The following GLIS3 variants were observed in gnomAD, a reference collection of about 807,000 sequenced individuals.
GLIS3 encodes the protein GLIS family zinc finger 3, also known as zinc finger protein GLIS3.
A neutral mutation model predicts 78.6 loss-of-function variants in GLIS3; 53 were observed. The observed-to-expected ratio is 0.67, with a 90% CI of 0.54 to 0.85. GLIS3 has a LOEUF of 0.85. Ranked by LOEUF, GLIS3 falls within the 40% of genes least tolerant of loss-of-function variation. The pLI is 0.00. For missense variants in GLIS3, 1,703 were observed against 1,231.1 expected, an observed-to-expected ratio of 1.38 and a Z score of -5.74; for synonymous variants, 684 against 509.9, an observed-to-expected ratio of 1.34 and a Z score of -4.60.
intron 2 of GLIS3, among the ~76,000 whole-genome samples, chr9:4,263,211 C>G (rs1825686763): frequency 6.6e-6 from 1 of 152,190 alleles, no homozygotes; most frequent in Non-Finnish European, 1.5e-5. Context: ...ATAAACTTCT[C>G]AGTGGCTCAC....
chr9:3,881,383 T>C (rs12351699), intron 7 of GLIS3, among the ~76,000 whole-genome samples: 110 of 152,332 alleles, frequency 7.2e-4, no homozygotes, highest in African/African-American at 2.5e-3. Context: ...TTTGTATGTA[T>C]GTGCATGTGT....
intron 2 of GLIS3, among the ~76,000 whole-genome samples, chr9:4,161,682 T>TTTC (rs2131085344): frequency 6.8e-6 from 1 of 147,858 alleles, no homozygotes; most frequent in East Asian, 2.0e-4. Flanking sequence ...AGTCTTTTTT[T>TTTC]TTTTTTTTTT....
chr9:3,896,782 CT>C (rs1388525684), intron 7 of GLIS3, among the ~76,000 whole-genome samples: 2 of 151,364 alleles, frequency 1.3e-5, no homozygotes, highest in Non-Finnish European at 2.9e-5. Context: ...TTCAAGTGTT[CT>C]CAAGAGTTAC....
At chr9:4,301,869 C>A (rs566095484), upstream of GLIS3, among the ~76,000 whole-genome samples, 5 of 152,282 alleles carry the variant, frequency 3.3e-5, no homozygotes, top group Admixed American at 2.6e-4. Context: ...TCCCCAAAAT[C>A]TCTTCATTTA....
At chr9:4,269,532 C>T (rs895716465) in intron 2 of GLIS3, among the ~76,000 whole-genome samples, 5 of 152,280 alleles carry the variant, frequency 3.3e-5, no homozygotes, top group Non-Finnish European at 4.4e-5. Flanking sequence ...ACCACCAAAA[C>T]GATCTACTTA....
chr9:4,092,825 T>C (rs1342082505), intron 4 of GLIS3, among the ~76,000 whole-genome samples: 1 of 152,200 alleles, frequency 6.6e-6, no homozygotes, highest in African/African-American at 2.4e-5. Context: ...GTATAGTAAA[T>C]ACATAAAACA....
intron 2 of GLIS3, among the ~76,000 whole-genome samples, chr9:4,209,837 C>A (rs1820231048): frequency 6.6e-6 from 1 of 151,332 alleles, no homozygotes; most frequent in African/African-American, 2.5e-5. Context: ...TTGTGACCAT[C>A]AAAATGTCTC....
intron 6 of GLIS3, among the ~76,000 whole-genome samples, chr9:3,921,851 A>G (rs1271049453): frequency 4.6e-5 from 7 of 152,032 alleles, no homozygotes; most frequent in Admixed American, 4.6e-4. Context: ...ATAAATTTTG[A>G]ATAATCAAAT....
chr9:4,101,255 T>C (rs1830349110), intron 4 of GLIS3, among the ~76,000 whole-genome samples: 1 of 152,200 alleles, frequency 6.6e-6, no homozygotes, highest in Non-Finnish European at 1.5e-5. Context: ...AGATTATGCA[T>C]GGGACAGTGC....
Position 4,118,340 on chromosome 9 carries a change from C to G in GLIS3, c.1138G>C (p.Ala380Pro), listed in dbSNP as rs750906881. 1.3e-6 allele frequency: 2 copies of G among 1,578,228 alleles called. No homozygotes were observed. The highest frequency in any genetic ancestry group is 1.7e-6 in the Non-Finnish European group (2 of 1,165,768). ...KGVLVAPGGL[A>P]LPAYGEDGAL... ...CCGTCCTCGCCGTAGGCCGGCAGCG[C>G]CAGGCCTCCAGGGGCCACCAGCACG... is the stretch of plus-strand genomic sequence containing the variant. The change falls in exon 4 of 11, where the codon GCG becomes CCG. Residue 380 changes from alanine to proline, a missense_variant. Ala to Pro is a conservative substitution (Grantham distance 27, BLOSUM62 -1). Transcript: ENST00000381971. This position sits in a 1 kb window ranked among gnomAD's most constrained non-coding sequence, Gnocchi z 4.7.
At chr9:4,413,453 A>G in the GLIS3 span, among the ~76,000 whole-genome samples, 1 of 152,120 alleles carries the variant, frequency 6.6e-6, no homozygotes, top group African/African-American at 2.4e-5. Context: ...TTGCCTCCTA[A>G]GCCTGCACAT....
chr9:4,005,553 T>C (rs187732862), intron 4 of GLIS3, among the ~76,000 whole-genome samples: 1 of 152,168 alleles, frequency 6.6e-6, no homozygotes, highest in African/African-American at 2.4e-5. Context: ...TAGTCTCAGT[T>C]TGATCATCAA....
At chr9:4,489,178 A>T in the GLIS3 span, among the ~76,000 whole-genome samples, 1,846 of 152,202 alleles carry the variant, frequency 0.012, 32 homozygotes, top group African/African-American at 0.042. Flanking sequence ...CCCTTCTGAC[A>T]TTTCTTCAGA....
rs150984034 is a variant in GLIS3 at position 3,863,219 on chromosome 9, A to C, written c.2298-7035T>G. 4.5e-4 allele frequency among the ~76,000 whole-genome samples: 68 copies of C among 152,328 alleles called. No individual in the cohort carries two copies. In the East Asian group the frequency reaches 0.011, roughly 24 times the overall value. The stretch of plus-strand genomic sequence containing the variant: ...CACTTCATGAATTCCTGGCTGACTC[A>C]TCTGGGTGACTATAGTATCTACTTA... On this transcript the variant is annotated intron_variant, in intron 8 of 10. Coordinates refer to ENST00000381971, the MANE Select transcript of GLIS3 (RefSeq NM_001042413.2).
chr9:4,313,319 C>T (rs1343077464), intron 2 of GLIS3, among the ~76,000 whole-genome samples: 1 of 152,178 alleles, frequency 6.6e-6, no homozygotes, highest in African/African-American at 2.4e-5. Context: ...TCTTCTTTCT[C>T]AGCCATTGCT....
chr9:4,461,963 AAAT>A, the GLIS3 span, among the ~76,000 whole-genome samples: 1 of 152,222 alleles, frequency 6.6e-6, no homozygotes, highest in African/African-American at 2.4e-5. Flanking sequence ...TATGTAATAT[AAAT>A]ATTATAATAA....
chr9:4,353,625 T>G, the GLIS3 span, among the ~76,000 whole-genome samples: 1 of 152,112 alleles, frequency 6.6e-6, no homozygotes, highest in East Asian at 1.9e-4. Context: ...AGTCAAGAAG[T>G]TACCCAAAAC....
At position 4,123,839 on chromosome 9, in the gene GLIS3, C is replaced by T. The variant is rs1564085108; in HGVS notation, c.596+1895G>A. On this transcript the variant is annotated intron_variant, in intron 3 of 10. Coordinates refer to ENST00000381971, the MANE Select transcript of GLIS3 (RefSeq NM_001042413.2). ...GCTTGGTACTTTTCCATGTTTTCCA[C>T]ATTTTCTACAGTGAATAAGAATTAC... The T allele has an allele frequency of 1.0e-5, 4 of 398,082 alleles. No homozygotes were observed. In the East Asian group the frequency reaches 1.4e-4, roughly 14 times the overall value. 24.7% of individuals were successfully genotyped at this position (398,082 alleles called of 1,614,324 possible).
intron 2 of GLIS3, among the ~76,000 whole-genome samples, chr9:4,183,106 AAAAGAC>A (rs1817478203): frequency 6.6e-6 from 1 of 152,202 alleles, no homozygotes; most frequent in Non-Finnish European, 1.5e-5. Flanking sequence ...GAGAGGACTG[AAAAGAC>A]AGCTATCTTT....
Sources: gnomAD v4.1 joint callset for allele counts (sites outside exome capture counted in the v4.1 genomes callset) on GRCh38, gnomAD v4.1.1 for gene constraint, Gnocchi (gnomAD v3.1) non-coding constraint, MANE v1.5 for transcripts, NCBI Gene and HGNC (gene_info 2026-07-23, HGNC 2026-07-21) for gene names.